The following PLXDC2 variants were observed in gnomAD, a reference collection of about 807,000 sequenced individuals.
PLXDC2 encodes the protein plexin domain-containing protein 2.
Under a neutral mutation model 68.9 loss-of-function variants are expected in PLXDC2, and 40 were observed. The observed-to-expected ratio is 0.58, with a 90% CI of 0.45 to 0.76. The LOEUF is 0.76. PLXDC2 is among the 30% of genes least tolerant of loss of function. PLXDC2 has a pLI of 0.00. For synonymous variants in PLXDC2, 243 were observed against 234.2 expected (o/e 1.04, Z -0.34); for missense variants, 644 against 661.9 (o/e 0.97, Z 0.30).
intron 12 of PLXDC2, among the ~76,000 whole-genome samples, chr10:20,237,392 G>A (rs1400609666): frequency 2.0e-5 from 3 of 151,930 alleles, no homozygotes; most frequent in South Asian, 2.1e-4. Context: ...AGAACTAAGA[G>A]GATTATGAAA....
chr10:19,876,848 G>T (rs1380076755), intron 1 of PLXDC2, among the ~76,000 whole-genome samples: 1 of 151,798 alleles, frequency 6.6e-6, no homozygotes, highest in African/African-American at 2.4e-5. Context: ...TTATCTTTTG[G>T]CTAGCTTAAA....
rs1312180154 is a variant in PLXDC2, at chr10:20,177,428, GAAT to G, written c.1061+28_1061+30del. 5 of 1,196,874 alleles carry G rather than the reference GAAT, an allele frequency of 4.2e-6. No individual in the cohort carries two copies. The Admixed American group carries it at 1.0e-4, about 25-fold the overall frequency. The allele number at this position is 1,196,874 out of a possible 1,614,324, so 74.1% of individuals were successfully genotyped here. A position where few individuals can be genotyped will look rare whatever the true frequency, so the allele number is the denominator to read the frequency against. ...TTCAAAGGTAAAAATATAATAATAA[GAAT>G]AATAATAAAATTTAAAAAGATATTT... On this transcript the variant is annotated intron_variant, in intron 9 of 13. Transcript: ENST00000377252.
chr10:19,836,760 A>G lies in PLXDC2; in HGVS notation c.112+19569A>G, dbSNP rs186588074. Among the ~76,000 whole-genome samples the G allele has an allele frequency of 3.1e-3, 474 of 152,340 alleles. 6 individuals carry two copies. The highest frequency in any genetic ancestry group is 0.026 in the South Asian group (125 of 4,832). ...AAGTCAATTTTACACCCTGAAAGAA[A>G]GGCAATCCTGACTCCATTGTTCTTT... On this transcript the variant is annotated intron_variant, in intron 1 of 13. Transcript: ENST00000377252.
intron 3 of PLXDC2, among the ~76,000 whole-genome samples, chr10:20,049,312 A>G (rs960422798): frequency 6.6e-6 from 1 of 152,030 alleles, no homozygotes; most frequent in African/African-American, 2.4e-5. Flanking sequence ...CACAAGGATG[A>G]CCTCTGTCGT....
intron 1 of PLXDC2, among the ~76,000 whole-genome samples, chr10:19,861,813 A>G (rs557018286): frequency 3.3e-5 from 5 of 152,278 alleles, no homozygotes; most frequent in African/African-American, 9.6e-5. Flanking sequence ...AATTGGCTTC[A>G]TGCTAATATC....
chr10:19,972,578 C>G (rs911133351), intron 1 of PLXDC2, among the ~76,000 whole-genome samples: 4 of 152,002 alleles, frequency 2.6e-5, no homozygotes, highest in Non-Finnish European at 2.9e-5. Context: ...CGTGCACACA[C>G]ATCTCCCACG....
rs559916137 is a variant in PLXDC2 at position 19,927,617 on chromosome 10, G to A, written c.113-74158G>A. ...CTCGGGAGGCTGAGGCAGGAGAATC[G>A]CTTGAACCTGAGAGGTGGAGGGTGC... is the stretch of plus-strand genomic sequence containing the variant. On this transcript the variant is annotated intron_variant, in intron 1 of 13. Coordinates refer to ENST00000377252, the MANE Select transcript of PLXDC2 (RefSeq NM_032812.9). 3.2e-4 allele frequency among the ~76,000 whole-genome samples: 48 copies of A among 149,018 alleles called. 2 individuals are homozygous for A. In the South Asian group the frequency reaches 9.3e-3, roughly 29 times the overall value.
intron 1 of PLXDC2, among the ~76,000 whole-genome samples, chr10:19,866,898 C>A (rs536384554): frequency 8.7e-4 from 132 of 152,186 alleles, no homozygotes; most frequent in African/African-American, 3.1e-3. Context: ...TTTAGAGATT[C>A]TTTGATTTGC....
In PLXDC2 at chr10:20,286,224, A is replaced by C. The variant is rs1453965488; in HGVS notation, c.*6405A>C. 5 of 152,322 alleles carry C rather than the reference A, an allele frequency of 3.3e-5. No homozygotes were observed. The highest frequency in any genetic ancestry group is 1.2e-4 in the African/African-American group (5 of 41,582). 9.4% of individuals were successfully genotyped at this position (152,322 alleles called of 1,614,324 possible). A position where few individuals can be genotyped will look rare whatever the true frequency, so the allele number is the denominator to read the frequency against. The stretch of plus-strand genomic sequence containing the variant: ...ATTTCCAGCTCACTGTTGACACTGA[A>C]AGATTCTGTGTTACTTTAAACCCAG... On this transcript the variant is annotated 3_prime_UTR_variant, in exon 14 of 14. Transcript: ENST00000377252.
intron 1 of PLXDC2, among the ~76,000 whole-genome samples, chr10:19,877,007 C>T (rs1339984857): frequency 6.6e-6 from 1 of 152,166 alleles, no homozygotes; most frequent in Non-Finnish European, 1.5e-5. Context: ...ATATGTGATT[C>T]TATCTAAAAT....
intron 13 of PLXDC2, among the ~76,000 whole-genome samples, chr10:20,247,760 T>G (rs770218176): frequency 6.6e-6 from 1 of 152,170 alleles, no homozygotes; most frequent in Non-Finnish European, 1.5e-5. Flanking sequence ...TACATTTCCT[T>G]TGAAAAATAG....
At chr10:19,948,867 G>C (rs1387828706) in intron 1 of PLXDC2, among the ~76,000 whole-genome samples, 1 of 151,848 alleles carries the variant, frequency 6.6e-6, no homozygotes, top group Non-Finnish European at 1.5e-5. Flanking sequence ...TACATTGGCC[G>C]GGCGCGGTGG....
chr10:19,962,261 T>C (rs1834164822), intron 1 of PLXDC2, among the ~76,000 whole-genome samples: 1 of 149,468 alleles, frequency 6.7e-6, no homozygotes, highest in East Asian at 2.0e-4. Context: ...TGAAAATACA[T>C]CCCAGATCCT....
At chr10:19,982,426 C>T (rs752602591) in intron 1 of PLXDC2, among the ~76,000 whole-genome samples, 1 of 152,176 alleles carries the variant, frequency 6.6e-6, no homozygotes, top group Non-Finnish European at 1.5e-5. Flanking sequence ...TCATAGACTC[C>T]TAGGTTTATT....
chr10:20,071,274 A>C (rs1836311989), intron 4 of PLXDC2: 6 of 152,202 alleles, frequency 3.9e-5, no homozygotes, highest in Admixed American at 3.9e-4. Context: ...AAAGCACAAG[A>C]TGCGTCATTA....
intron 1 of PLXDC2, among the ~76,000 whole-genome samples, chr10:19,974,984 A>T (rs1033088232): frequency 6.6e-6 from 1 of 152,204 alleles, no homozygotes; most frequent in Admixed American, 6.5e-5. Context: ...TAAAAATCAT[A>T]TGAACACATA....
chr10:20,265,343 A>G (rs1291190873), intron 13 of PLXDC2, among the ~76,000 whole-genome samples: 2 of 152,178 alleles, frequency 1.3e-5, no homozygotes, highest in African/African-American at 4.8e-5. Context: ...GCATGCATAC[A>G]TTTTTGCCTT....
At chr10:20,049,871 A>T (rs1010753620) in intron 3 of PLXDC2, among the ~76,000 whole-genome samples, 3 of 152,166 alleles carry the variant, frequency 2.0e-5, no homozygotes, top group Non-Finnish European at 4.4e-5. Context: ...TTTAAAATTC[A>T]TATGGAACCA....
At chr10:20,265,223 G>A (rs1015617473) in intron 13 of PLXDC2, among the ~76,000 whole-genome samples, 3 of 152,272 alleles carry the variant, frequency 2.0e-5, no homozygotes, top group Non-Finnish European at 4.4e-5. Flanking sequence ...CTTTCCATGA[G>A]TTCTTCCTGA....
Sources: gnomAD v4.1 joint callset for allele counts (sites outside exome capture counted in the v4.1 genomes callset) on GRCh38, gnomAD v4.1.1 for gene constraint, MANE v1.5 for transcripts, NCBI Gene and HGNC (gene_info 2026-07-23, HGNC 2026-07-21) for gene names.